NBAS: variants seen among roughly 807,000 people sequenced by gnomAD.
The protein encoded by NBAS is NAG/BC035112 fusion.
In NBAS, 219 loss-of-function variants were observed where a neutral mutation model predicts 302.5. The ratio of observed to expected loss-of-function variants is 0.72; its 90% CI spans 0.65 to 0.81. NBAS has a LOEUF of 0.81. NBAS is among the 30% of genes least tolerant of loss of function. The pLI is 0.00. For synonymous variants in NBAS, 1,118 were observed against 1,021.6 expected (o/e 1.09, Z -1.80); for missense variants, 2,932 against 2,841.6 (o/e 1.03, Z -0.72).
chr2:15,445,127 C>G (rs1026008864), intron 21 of NBAS, among the ~76,000 whole-genome samples: 1 of 151,576 alleles, frequency 6.6e-6, no homozygotes, highest in South Asian at 2.1e-4. Context: ...ACTAGAAATA[C>G]CATTTGACCC....
At chr2:15,018,868 C>T in the NBAS span, among the ~76,000 whole-genome samples, 3 of 152,132 alleles carry the variant, frequency 2.0e-5, no homozygotes, top group African/African-American at 7.2e-5. Flanking sequence ...ATTCTTTTTC[C>T]TCTTTGTTTA....
chr2:15,444,793 C>G (rs1432462183), intron 21 of NBAS, among the ~76,000 whole-genome samples: 2 of 151,928 alleles, frequency 1.3e-5, no homozygotes, highest in East Asian at 3.9e-4. Flanking sequence ...ACAATGAACT[C>G]AAACAAATTT....
At chr2:15,393,068 C>T (rs1261065754) in intron 28 of NBAS, among the ~76,000 whole-genome samples, 1 of 151,704 alleles carries the variant, frequency 6.6e-6, no homozygotes, top group African/African-American at 2.4e-5. Flanking sequence ...GTTTTTTGAC[C>T]CATACTTTGA....
chr2:15,237,608 T>TTATC (rs1167127839), intron 45 of NBAS, among the ~76,000 whole-genome samples: 1,915 of 134,206 alleles, frequency 0.014, 34 homozygotes, highest in Non-Finnish European at 0.022. Context: ...ATTTATTTAT[T>TTATC]TATCTGAGAC....
intron 38 of NBAS, among the ~76,000 whole-genome samples, chr2:15,310,176 A>G (rs1671212255): frequency 6.6e-6 from 1 of 152,160 alleles, no homozygotes; most frequent in Admixed American, 6.5e-5. Flanking sequence ...TGTTTAGCTG[A>G]TAGTCTAGGC....
intron 8 of NBAS, among the ~76,000 whole-genome samples, chr2:15,535,277 T>C (rs1037227389): frequency 1.1e-4 from 17 of 152,118 alleles, no homozygotes; most frequent in Non-Finnish European, 2.2e-4. Flanking sequence ...ATCCCAGCAC[T>C]TTGGGAGGCC....
intron 40 of NBAS, among the ~76,000 whole-genome samples, chr2:15,300,762 T>G (rs1425631515): frequency 1.3e-5 from 2 of 152,064 alleles, no homozygotes; most frequent in Admixed American, 1.3e-4. Flanking sequence ...AATAACTGCT[T>G]CCATGGGTGC....
intron 21 of NBAS, among the ~76,000 whole-genome samples, chr2:15,435,864 C>A (rs935852810): frequency 6.6e-6 from 1 of 152,116 alleles, no homozygotes; most frequent in East Asian, 1.9e-4. Context: ...TGTCTCCCCA[C>A]TAAAAGTAAA....
In NBAS at chr2:15,534,539, T is replaced by G; in HGVS notation, c.746+4A>C. ...ACTAAATATGAGAACAAATGGTTAC[T>G]TACCTGTGACCAGGGTGGTAAATAG... On this transcript the variant is annotated splice_donor_region_variant and intron_variant, in intron 9 of 51. Coordinates refer to ENST00000281513, the MANE Select transcript of NBAS (RefSeq NM_015909.4). The G allele has an allele frequency of 6.3e-7, 1 of 1,584,192 alleles. No individual in the cohort carries two copies. The highest frequency in any genetic ancestry group is 1.3e-5 in the African/African-American group (1 of 74,650).
the NBAS span, among the ~76,000 whole-genome samples, chr2:15,072,265 A>G: frequency 2.6e-5 from 4 of 152,206 alleles, no homozygotes; most frequent in Admixed American, 1.3e-4. Flanking sequence ...ATTGACTTTA[A>G]TAAGATTAAG....
At chr2:15,554,421 C>T (rs1352326864) in intron 3 of NBAS, among the ~76,000 whole-genome samples, 1 of 151,768 alleles carries the variant, frequency 6.6e-6, no homozygotes, top group Non-Finnish European at 1.5e-5. Flanking sequence ...GAGCAGAGTA[C>T]ACTTATACCA....
the NBAS span, among the ~76,000 whole-genome samples, chr2:15,105,005 C>T: frequency 2.0e-5 from 3 of 151,876 alleles, no homozygotes; most frequent in Non-Finnish European, 4.4e-5. Context: ...TGGAACCAAC[C>T]CAAATGTCCA....
chr2:15,379,545 G>C, intron 30 of NBAS, 57 bp downstream of exon 30: 1 of 1,507,708 alleles, frequency 6.6e-7, no homozygotes, highest in Non-Finnish European at 9.2e-7. Context: ...TAACAATGCA[G>C]TTTGTACATT....
At chr2:14,933,884 C>T in the NBAS span, among the ~76,000 whole-genome samples, 173 of 152,244 alleles carry the variant, frequency 1.1e-3, no homozygotes, top group African/African-American at 3.9e-3. Flanking sequence ...TTTAAAGGCT[C>T]ATTGGTGTAA....
chr2:15,066,595 G>A, the NBAS span, among the ~76,000 whole-genome samples: 76,880 of 151,568 alleles, frequency 0.51, 21,712 homozygotes, highest in Non-Finnish European at 0.62. Context: ...CCACAAGCAC[G>A]TTTTTAAAAA....
At chr2:15,015,721 AT>A in the NBAS span, among the ~76,000 whole-genome samples, 1 of 152,200 alleles carries the variant, frequency 6.6e-6, no homozygotes, top group African/African-American at 2.4e-5. Flanking sequence ...TTCTCTAAGA[AT>A]TAGAACAAGA....
chr2:15,163,193 G>A (rs373003378), downstream of NBAS, among the ~76,000 whole-genome samples: 7 of 152,150 alleles, frequency 4.6e-5, no homozygotes, highest in Non-Finnish European at 7.3e-5. Context: ...GCACACTCTC[G>A]CATGTGAGAA....
chr2:15,303,394 A>G (rs963549268), intron 40 of NBAS, among the ~76,000 whole-genome samples: 7 of 152,208 alleles, frequency 4.6e-5, no homozygotes, highest in Non-Finnish European at 1.0e-4. Flanking sequence ...CTGAATTGAT[A>G]AAAGGGTACA....
intron 21 of NBAS, among the ~76,000 whole-genome samples, chr2:15,454,757 T>A (rs2148545963): frequency 6.6e-6 from 1 of 152,250 alleles, no homozygotes; most frequent in African/African-American, 2.4e-5. Flanking sequence ...ATCACCCTCC[T>A]TTCTCCACTT....
Sources: allele counts gnomAD v4.1 joint callset (sites outside exome capture counted in the v4.1 genomes callset), GRCh38; gene constraint gnomAD v4.1.1; transcripts MANE v1.5; gene names NCBI Gene and HGNC (gene_info 2026-07-23, HGNC 2026-07-21).